LMCD1: variants seen among roughly 807,000 people sequenced by gnomAD.
LMCD1 encodes the protein LIM and cysteine rich domains 1.
In LMCD1, 32 loss-of-function variants were observed where a neutral mutation model predicts 42.7. The ratio of observed to expected loss-of-function variants is 0.75; its 90% CI spans 0.57 to 1.01. The LOEUF (loss-of-function observed/expected upper bound fraction) is 1.01, where lower values mean the gene tolerates loss of function less well. Among genes scored for constraint, LMCD1 ranks in the 50% least tolerant of loss-of-function variants. The pLI is 0.00. For synonymous variants in LMCD1, 178 were observed against 184.9 expected, an observed-to-expected ratio of 0.96 and a Z score of 0.30; for missense variants, 458 against 483.1, an observed-to-expected ratio of 0.95 and a Z score of 0.49.
chr3:8,562,159 T>G (rs568717703), intron 4 of LMCD1, among the ~76,000 whole-genome samples: 1 of 152,270 alleles, frequency 6.6e-6, no homozygotes, highest in South Asian at 2.1e-4. Flanking sequence ...CAACATGAGT[T>G]GAGGTCCACC....
chr3:8,574,407 G>A lies in LMCD1; in HGVS notation c.*6809G>A, dbSNP rs1017766132. On this transcript the variant is annotated 3_prime_UTR_variant, in exon 6 of 6. Coordinates refer to ENST00000157600, the MANE Select transcript of LMCD1 (RefSeq NM_014583.4). ...GTGAGAGCAACAGGAGCAAAGCATG[G>A]AGAAGAAGCAATCTTGGAGAAGCTG... 1 of 152,366 alleles carries A rather than the reference G, an allele frequency of 6.6e-6. No homozygotes were observed. The highest frequency in any genetic ancestry group is 1.9e-4 in the East Asian group (1 of 5,188). 9.4% of individuals were successfully genotyped at this position (152,366 alleles called of 1,614,324 possible). A position where few individuals can be genotyped will look rare whatever the true frequency, so the allele number is the denominator to read the frequency against.
chr3:8,501,876 C>G lies in LMCD1; in HGVS notation c.-63C>G, dbSNP rs962624385. 1 of 1,506,982 alleles carries G rather than the reference C, an allele frequency of 6.6e-7. No individual in the cohort carries two copies. The highest frequency in any genetic ancestry group is 1.4e-5 in the African/African-American group (1 of 69,714). The allele number at this position is 1,506,982 out of a possible 1,614,324, so 93.4% of individuals were successfully genotyped here. Reference sequence around the variant, plus strand: ...CTTGGCCATTCAGCCGCCGCTGTCCCCGCTGCGCGCCCTCGCGCCTCTGCC... The same window carrying G: ...CTTGGCCATTCAGCCGCCGCTGTCCGCGCTGCGCGCCCTCGCGCCTCTGCC... On this transcript the variant is annotated 5_prime_UTR_variant, in exon 1 of 6. Transcript: ENST00000157600.
intron 3 of LMCD1, among the ~76,000 whole-genome samples, chr3:8,547,798 A>G (rs1419577036): frequency 6.6e-6 from 1 of 152,060 alleles, no homozygotes; most frequent in African/African-American, 2.4e-5. Flanking sequence ...AGGCAGGAGA[A>G]TGGCGTGAAC....
intron 2 of LMCD1, 79 bp from the exon 3 acceptor site, chr3:8,537,106 G>A (rs1694520603): frequency 1.3e-6 from 2 of 1,493,694 alleles, no homozygotes; most frequent in East Asian, 4.6e-5. Flanking sequence ...GCTTTCAAAA[G>A]GGTAGATGCT....
intron 1 of LMCD1, among the ~76,000 whole-genome samples, chr3:8,512,221 A>G (rs1694015417): frequency 6.6e-6 from 1 of 152,256 alleles, no homozygotes; most frequent in South Asian, 2.1e-4. Flanking sequence ...ATTCTGAAAT[A>G]TGGGACCTTG....
intron 3 of LMCD1, among the ~76,000 whole-genome samples, chr3:8,538,181 A>T (rs1404095372): frequency 6.6e-6 from 1 of 152,128 alleles, no homozygotes; most frequent in East Asian, 1.9e-4. Flanking sequence ...CACCTTCAAG[A>T]TCCAATGCAC....
intron 4 of LMCD1, among the ~76,000 whole-genome samples, chr3:8,549,358 T>G (rs998385947): frequency 3.3e-5 from 5 of 152,146 alleles, no homozygotes; most frequent in East Asian, 1.9e-4. Context: ...AAGTCCCACG[T>G]GATTGAAAGT....
At chr3:8,542,142 A>G (rs1199467293) in intron 3 of LMCD1, among the ~76,000 whole-genome samples, 1 of 151,526 alleles carries the variant, frequency 6.6e-6, no homozygotes, top group African/African-American at 2.4e-5. Flanking sequence ...CTATAGGCAC[A>G]CACCACCATG....
intron 3 of LMCD1, among the ~76,000 whole-genome samples, chr3:8,541,018 A>G (rs967924834): frequency 1.3e-5 from 2 of 152,174 alleles, no homozygotes; most frequent in African/African-American, 4.8e-5. Flanking sequence ...TTGACTTGTC[A>G]GATGAAGCCC....
intron 4 of LMCD1, chr3:8,550,461 A>G: frequency 1.0e-6 from 1 of 985,250 alleles, no homozygotes. Flanking sequence ...AGAGGGCCGG[A>G]CTCTTTCTCC....
At chr3:8,531,658 C>A (rs935652323) in intron 1 of LMCD1, among the ~76,000 whole-genome samples, 1 of 152,164 alleles carries the variant, frequency 6.6e-6, no homozygotes, top group Non-Finnish European at 1.5e-5. Context: ...CTCAGACTTG[C>A]CCCTTACAGG....
At chr3:8,517,070 G>C (rs964804993) in intron 1 of LMCD1, among the ~76,000 whole-genome samples, 2 of 152,212 alleles carry the variant, frequency 1.3e-5, no homozygotes, top group Non-Finnish European at 2.9e-5. Context: ...TACATACTTA[G>C]TCATGGTGAA....
chr3:8,558,024 C>A (rs1182472730), intron 4 of LMCD1, among the ~76,000 whole-genome samples: 1 of 152,178 alleles, frequency 6.6e-6, no homozygotes, highest in Admixed American at 6.5e-5. Context: ...ACCAAGACTT[C>A]TTTCCTGTCA....
rs2125042270 is a variant in LMCD1 at position 8,567,766 on chromosome 3, G to T, written c.*168G>T. 3 of 537,962 alleles carry T rather than the reference G, an allele frequency of 5.6e-6. No homozygotes were observed. Among genetic ancestry groups the T allele is most frequent in the Non-Finnish European group, 2.9e-6 (1 of 342,422 alleles). 33.3% of individuals were successfully genotyped at this position (537,962 alleles called of 1,614,324 possible). ...AGATATATATAGATATATATTCTAG[G>T]TTGGGTGGTGGTAGATCCTTGAGGG... is the stretch of plus-strand genomic sequence containing the variant. On this transcript the variant is annotated 3_prime_UTR_variant, in exon 6 of 6. Transcript: ENST00000157600.
rs145665116 is a variant in LMCD1 at position 8,545,864 on chromosome 3, G to A, written c.388-2704G>A. Among the ~76,000 whole-genome samples the A allele has an allele frequency of 3.3e-3, 497 of 152,302 alleles. 11 individuals carry two copies. Among genetic ancestry groups the A allele is most frequent in the Admixed American group, 0.03 (461 of 15,296 alleles). On this transcript the variant is annotated intron_variant, in intron 3 of 5. Transcript: ENST00000157600. ...TAGAAAAGCAAACAGGGTCAGGTGC[G>A]GTGGCTCACACCTGTAATCCCAGCA...
chr3:8,547,718 CTG>C (rs1694764028), intron 3 of LMCD1, among the ~76,000 whole-genome samples: 1 of 141,990 alleles, frequency 7.0e-6, no homozygotes, highest in Admixed American at 7.4e-5. Flanking sequence ...CGGTGAAACC[CTG>C]TCTGTACTAA....
chr3:8,502,806 A>ACAG (rs1693790011), intron 1 of LMCD1, among the ~76,000 whole-genome samples: 1 of 152,126 alleles, frequency 6.6e-6, no homozygotes, highest in South Asian at 2.1e-4. Context: ...ACCTGAATGC[A>ACAG]GCTGGGAGAA....
At chr3:8,509,151 C>T (rs1235910766) in intron 1 of LMCD1, among the ~76,000 whole-genome samples, 1 of 152,152 alleles carries the variant, frequency 6.6e-6, no homozygotes, top group Non-Finnish European at 1.5e-5. Flanking sequence ...TAAACATTTC[C>T]TCCTGCTGTT....
chr3:8,543,397 T>TGATAGATA (rs57434919), intron 3 of LMCD1, among the ~76,000 whole-genome samples: 6,487 of 92,736 alleles, frequency 0.07, 159 homozygotes, highest in Admixed American at 0.084. Context: ...GATAGATAGA[T>TGATAGATA]GATAGATAGA....
Sources: gnomAD v4.1 joint callset for allele counts (sites outside exome capture counted in the v4.1 genomes callset) on GRCh38, gnomAD v4.1.1 for gene constraint, MANE v1.5 for transcripts, NCBI Gene and HGNC (gene_info 2026-07-23, HGNC 2026-07-21) for gene names.